C12orf56: variants seen among roughly 807,000 people sequenced by gnomAD.
C12orf56 encodes the protein uncharacterized protein C12orf56.
A neutral mutation model predicts 69.9 loss-of-function variants in C12orf56; 71 were observed. The observed-to-expected ratio is 1.02, with a 90% confidence interval of 0.84 to 1.24. The LOEUF (loss-of-function observed/expected upper bound fraction) is 1.24. C12orf56 is among the 50% of genes most tolerant of loss of function. The pLI is 0.00. For synonymous variants in C12orf56, 276 were observed against 274.1 expected, an observed-to-expected ratio of 1.01 and a Z score of -0.07; for missense variants, 732 against 738.5, an observed-to-expected ratio of 0.99 and a Z score of 0.10.
chr12:64,324,023 A>T (rs2038805744), intron 3 of C12orf56, among the ~76,000 whole-genome samples: 1 of 152,234 alleles, frequency 6.6e-6, no homozygotes, highest in Non-Finnish European at 1.5e-5. Context: ...GCTACAAGGC[A>T]GAGCCCTCCC....
chr12:64,374,664 C>G (rs546526207), intron 1 of C12orf56, among the ~76,000 whole-genome samples: 2 of 152,068 alleles, frequency 1.3e-5, no homozygotes, highest in East Asian at 3.9e-4. Context: ...CTGCCTCAGC[C>G]TCCTGAGTAG....
intron 6 of C12orf56, among the ~76,000 whole-genome samples, chr12:64,301,110 C>A (rs1241296978): frequency 1.3e-5 from 2 of 152,130 alleles, no homozygotes; most frequent in African/African-American, 2.4e-5. Flanking sequence ...CTGAGGCCTC[C>A]CAGCCATGTG....
Position 64,275,023 on chromosome 12 carries a change from A to T in C12orf56, c.1510-48T>A, listed in dbSNP as rs1343916843. On this transcript the variant is annotated intron_variant, in intron 10 of 12. Transcript: ENST00000543942. ...CAAGTTATATTCATAAAGTTCAAGT[A>T]GTATATAAAAGGATACTCATTCTTA... is the stretch of plus-strand genomic sequence containing the variant. 3 of 1,443,192 alleles carry T rather than the reference A, an allele frequency of 2.1e-6. No individual in the cohort carries two copies. The East Asian group carries it at 6.8e-5, about 33-fold the overall frequency. The allele number at this position is 1,443,192 out of a possible 1,614,324, so 89.4% of individuals were successfully genotyped here. A position where few individuals can be genotyped will look rare whatever the true frequency, so the allele number is the denominator to read the frequency against.
intron 1 of C12orf56, among the ~76,000 whole-genome samples, chr12:64,357,739 A>G (rs574371086): frequency 6.6e-6 from 1 of 152,146 alleles, no homozygotes; most frequent in East Asian, 1.9e-4. Context: ...AATCTCTACT[A>G]AAAATGCAAA....
chr12:64,302,981 T>C (rs576196795), intron 6 of C12orf56, among the ~76,000 whole-genome samples: 4 of 151,902 alleles, frequency 2.6e-5, no homozygotes, highest in Admixed American at 6.6e-5. Context: ...ATTTAAAAAA[T>C]AAACAAACAG....
chr12:64,287,261 A>AG (rs1389739195), intron 6 of C12orf56, among the ~76,000 whole-genome samples: 37 of 67,586 alleles, frequency 5.5e-4, no homozygotes, highest in African/African-American at 9.7e-4. Context: ...AAAAAAAAAA[A>AG]AAGAAGAAGA....
At chr12:64,302,592 A>G (rs770785811) in intron 6 of C12orf56, among the ~76,000 whole-genome samples, 42 of 152,122 alleles carry the variant, frequency 2.8e-4, no homozygotes, top group Non-Finnish European at 5.0e-4. Flanking sequence ...AGCAATCAAC[A>G]TGAACACAGC....
chr12:64,310,722 TA>T lies in C12orf56; in HGVS notation c.968+1956del, dbSNP rs2038596563. 4.9e-5 allele frequency among the ~76,000 whole-genome samples: 6 copies of T among 123,062 alleles called. No homozygotes were observed. In the South Asian group the frequency reaches 1.6e-3, roughly 32 times the overall value. 80.7% of individuals were successfully genotyped at this position (123,062 alleles called of 152,430 possible). A position where few individuals can be genotyped will look rare whatever the true frequency, so the allele number is the denominator to read the frequency against. The stretch of plus-strand genomic sequence containing the variant: ...TCTTATTTTTTTCTTCTTCTTTCTT[TA>T]TTTTTTTTTATTATACTTTAAGTTC... On this transcript the variant is annotated intron_variant, in intron 5 of 12. Coordinates refer to ENST00000543942, the MANE Select transcript of C12orf56 (RefSeq NM_001170633.2).
rs540012654 is a variant in C12orf56, at chr12:64,266,674, G to A, written c.*509C>T. 5.2e-5 allele frequency: 44 copies of A among 845,428 alleles called. No homozygotes were observed. In the South Asian group the frequency reaches 8.6e-4, roughly 17 times the overall value. The allele number at this position is 845,428 out of a possible 1,614,324, so 52.4% of individuals were successfully genotyped here. ...CTCCTGTGCCTGGCATGGTTTCACC[G>A]AGAACACTGTGCCCAAGCTGAGAAG... is the stretch of plus-strand genomic sequence containing the variant. On this transcript the variant is annotated 3_prime_UTR_variant, in exon 13 of 13. Coordinates refer to ENST00000543942, the MANE Select transcript of C12orf56 (RefSeq NM_001170633.2).
Position 64,266,483 on chromosome 12 carries a change from C to T in C12orf56, c.*700G>A, listed in dbSNP as rs1261560516. ...GTGTTCTACCTGGAGGCGTGGCTGG[C>T]GGATGAGATCTTGAGTGAGTGACCT... is the stretch of plus-strand genomic sequence containing the variant. On this transcript the variant is annotated 3_prime_UTR_variant, in exon 13 of 13. Transcript: ENST00000543942. The T allele has an allele frequency of 1.9e-5, 5 of 263,938 alleles. No individual in the cohort carries two copies. Among genetic ancestry groups the T allele is most frequent in the African/African-American group, 6.8e-5 (3 of 44,308 alleles). The allele number at this position is 263,938 out of a possible 1,614,324, so 16.3% of individuals were successfully genotyped here.
intron 6 of C12orf56, among the ~76,000 whole-genome samples, chr12:64,297,692 C>T (rs1374925915): frequency 6.6e-6 from 1 of 152,184 alleles, no homozygotes; most frequent in Non-Finnish European, 1.5e-5. Flanking sequence ...CCAGCTTCAT[C>T]CATGTCCCTG....
At chr12:64,282,703 G>A (rs571273821) in intron 8 of C12orf56, among the ~76,000 whole-genome samples, 11 of 151,664 alleles carry the variant, frequency 7.3e-5, no homozygotes, top group Non-Finnish European at 1.3e-4. Flanking sequence ...CAGGGAGGTC[G>A]AGGCTGCAGT....
chr12:64,271,223 T>C (rs902859404), intron 11 of C12orf56, among the ~76,000 whole-genome samples: 4 of 151,768 alleles, frequency 2.6e-5, no homozygotes, highest in African/African-American at 4.8e-5. Flanking sequence ...CCCAGCACTT[T>C]GGGAGGCTGA....
At chr12:64,378,669 A>G (rs2039672899) in intron 1 of C12orf56, among the ~76,000 whole-genome samples, 1 of 152,164 alleles carries the variant, frequency 6.6e-6, no homozygotes, top group Non-Finnish European at 1.5e-5. Context: ...TCCTGGCCTC[A>G]AATGATCTGC....
intron 11 of C12orf56, 49 bp from the exon 12 acceptor site, chr12:64,270,763 A>G: frequency 6.8e-6 from 10 of 1,480,916 alleles, no homozygotes; most frequent in Non-Finnish European, 8.2e-6. Flanking sequence ...CACCCACAAA[A>G]GCAACTATTT....
At chr12:64,357,419 CT>C (rs34572710) in intron 1 of C12orf56, among the ~76,000 whole-genome samples, 13,971 of 139,876 alleles carry the variant, frequency 0.1, 792 homozygotes, top group East Asian at 0.36. Context: ...TTTTTTCTTT[CT>C]TTTTTTTTTT....
chr12:64,389,946 T>G (rs988292434), intron 1 of C12orf56, among the ~76,000 whole-genome samples: 3 of 152,170 alleles, frequency 2.0e-5, no homozygotes, highest in Non-Finnish European at 2.9e-5. Flanking sequence ...GTAGGGGCCC[T>G]CTTTCGTTTT....
intron 3 of C12orf56, among the ~76,000 whole-genome samples, chr12:64,327,977 G>A (rs1039449816): frequency 6.6e-6 from 1 of 151,970 alleles, no homozygotes; most frequent in African/African-American, 2.4e-5. Flanking sequence ...AGTTGGTAAT[G>A]TGTTTAGGAA....
chr12:64,361,603 T>A lies in C12orf56; in HGVS notation c.253-8547A>T, dbSNP rs116699125. On this transcript the variant is annotated intron_variant, in intron 1 of 12. Coordinates refer to ENST00000543942, the MANE Select transcript of C12orf56 (RefSeq NM_001170633.2). ...ATGCCAACCTCAGAAAGTTACCCTA[T>A]ATAGTCTTAAAAAGGGAGGAATGAA... Among the ~76,000 whole-genome samples, 1,110 of 152,234 alleles carry A rather than the reference T, an allele frequency of 7.3e-3. 14 individuals are homozygous for A. Among genetic ancestry groups the A allele is most frequent in the African/African-American group, 0.025 (1,026 of 41,552 alleles).
Sources: allele counts gnomAD v4.1 joint callset (sites outside exome capture counted in the v4.1 genomes callset), GRCh38; gene constraint gnomAD v4.1.1; transcripts MANE v1.5; gene names NCBI Gene and HGNC (gene_info 2026-07-23, HGNC 2026-07-21).